NRXN3: variants seen among roughly 807,000 people sequenced by gnomAD.
NRXN3 encodes the protein neurexin 3, also known as neurexin III.
A neutral mutation model predicts 137.6 loss-of-function variants in NRXN3; 32 were observed. That is an observed-to-expected ratio of 0.23 (90% CI 0.18 to 0.31). The LOEUF (loss-of-function observed/expected upper bound fraction) is 0.31, where lower values mean the gene tolerates loss of function less well. NRXN3 is among the 10% of genes least tolerant of loss of function. The pLI, the probability that NRXN3 is intolerant of heterozygous loss-of-function variation, is 1.00. For synonymous variants in NRXN3, 798 were observed against 784.5 expected, an observed-to-expected ratio of 1.02 and a Z score of -0.29; for missense variants, 1,574 against 2,062.5, an observed-to-expected ratio of 0.76 and a Z score of 4.59.
chr14:78,930,924 C>A (rs1286303144), intron 10 of NRXN3, among the ~76,000 whole-genome samples: 1 of 152,046 alleles, frequency 6.6e-6, no homozygotes, highest in Non-Finnish European at 1.5e-5. Context: ...GCTCATTGCA[C>A]AGGAAATGGT....
At chr14:79,613,705 C>G (rs2098127239) in intron 16 of NRXN3, among the ~76,000 whole-genome samples, 1 of 152,332 alleles carries the variant, frequency 6.6e-6, no homozygotes, top group South Asian at 2.1e-4. Context: ...ACTTATTTCA[C>G]CCAGTATGTG....
intron 15 of NRXN3, among the ~76,000 whole-genome samples, chr14:79,242,927 A>T (rs991358106): frequency 6.6e-6 from 1 of 152,192 alleles, no homozygotes; most frequent in Non-Finnish European, 1.5e-5. Context: ...TGCTACTAAC[A>T]TACAGGACCT....
rs191705500 is a variant in NRXN3 at position 78,860,012 on chromosome 14, A to G, written c.2275+49668A>G. ...TAAAACTCAAAAGTTTTGGTAGGAA[A>G]GAACATGTAGGCTTAATTCCTTTCT... On this transcript the variant is annotated intron_variant, in intron 10 of 20. Transcript: ENST00000335750. Among the ~76,000 whole-genome samples the G allele has an allele frequency of 1.5e-3, 228 of 152,294 alleles. 1 individual carries two copies. The highest frequency in any genetic ancestry group is 4.9e-3 in the African/African-American group (204 of 41,566).
intron 10 of NRXN3, among the ~76,000 whole-genome samples, chr14:78,843,320 G>T (rs1343967070): frequency 6.6e-6 from 1 of 152,036 alleles, no homozygotes; most frequent in Non-Finnish European, 1.5e-5. Flanking sequence ...TTGGGTTATT[G>T]TCCCAGGGAA....
chr14:79,219,100 T>G (rs896403853), intron 15 of NRXN3, among the ~76,000 whole-genome samples: 1 of 152,082 alleles, frequency 6.6e-6, no homozygotes, highest in Non-Finnish European at 1.5e-5. Context: ...TAAATGTTAG[T>G]AAAACACATA....
rs1233127110 is a variant in NRXN3 at position 78,243,881 on chromosome 14, A to G, written c.709+79A>G. On this transcript the variant is annotated intron_variant, in intron 2 of 20. Transcript: ENST00000335750. The surrounding 1 kb of genome is among the most constrained non-coding windows in gnomAD (Gnocchi z 4.2). ...GGGGCTCCTGATACAAACCAGTTCT[A>G]TATGGATGCATATCTTTAGCTGCAT... 3.0e-6 allele frequency: 3 copies of G among 998,152 alleles called. No individual in the cohort carries two copies. Among genetic ancestry groups the G allele is most frequent in the East Asian group, 4.8e-5 (2 of 41,566 alleles). 61.8% of individuals were successfully genotyped at this position (998,152 alleles called of 1,614,324 possible). A position where few individuals can be genotyped will look rare whatever the true frequency, so the allele number is the denominator to read the frequency against.
intron 8 of NRXN3, among the ~76,000 whole-genome samples, chr14:78,744,139 T>A (rs2098595871): frequency 6.6e-6 from 1 of 152,052 alleles, no homozygotes; most frequent in African/African-American, 2.4e-5. Context: ...ATCCTGCAGG[T>A]TTTTTGTTTG....
rs575208671 is a variant in NRXN3, at chr14:79,561,366, T to C, written c.3444+93964T>C. Among the ~76,000 whole-genome samples, 12 of 152,278 alleles carry C rather than the reference T, an allele frequency of 7.9e-5. No individual in the cohort carries two copies. In the South Asian group the frequency reaches 2.3e-3, roughly 29 times the overall value. ...CCATATTGTGATGTTGACTATATCA[T>C]GCAGTAATGGTGAACAAATGTAGCA... On this transcript the variant is annotated intron_variant, in intron 16 of 20. Transcript: ENST00000335750.
At chr14:79,175,350 G>A (rs1463714933) in intron 15 of NRXN3, among the ~76,000 whole-genome samples, 1 of 152,202 alleles carries the variant, frequency 6.6e-6, no homozygotes, top group East Asian at 1.9e-4. Context: ...AACAAGATCA[G>A]TGTGGGATAA....
At chr14:78,884,498 C>T (rs2099137685) in intron 10 of NRXN3, among the ~76,000 whole-genome samples, 1 of 152,034 alleles carries the variant, frequency 6.6e-6, no homozygotes, top group Admixed American at 6.6e-5. Flanking sequence ...CTTTCTGATC[C>T]TGATAGGATT....
chr14:79,474,961 G>C (rs2096547002), intron 16 of NRXN3, among the ~76,000 whole-genome samples: 1 of 152,060 alleles, frequency 6.6e-6, no homozygotes, highest in Non-Finnish European at 1.5e-5. Context: ...GATAGGCCTA[G>C]TATCAAAATG....
chr14:79,482,481 C>A lies in NRXN3; in HGVS notation c.3444+15079C>A, dbSNP rs117700194. Among the ~76,000 whole-genome samples, 7 of 152,270 alleles carry A rather than the reference C, an allele frequency of 4.6e-5. No homozygotes were observed. The East Asian group carries it at 1.3e-3, about 29-fold the overall frequency. On this transcript the variant is annotated intron_variant, in intron 16 of 20. Coordinates refer to ENST00000335750, the MANE Select transcript of NRXN3 (RefSeq NM_001330195.2). The stretch of plus-strand genomic sequence containing the variant: ...GGTTCTATTTCTACCACCCTGACAA[C>A]CACTATAGTTTGTTTTCAACACCAA...
At chr14:79,119,849 A>G (rs1019439422) in intron 15 of NRXN3, among the ~76,000 whole-genome samples, 1 of 152,076 alleles carries the variant, frequency 6.6e-6, no homozygotes, top group African/African-American at 2.4e-5. Flanking sequence ...ATACTTTATT[A>G]CTTTGTAAAC....
intron 2 of NRXN3, among the ~76,000 whole-genome samples, chr14:78,261,300 C>T (rs751869575): frequency 6.6e-6 from 1 of 152,210 alleles, no homozygotes; most frequent in South Asian, 2.1e-4. Flanking sequence ...CTGCACATAA[C>T]TGATTTTGCT....
intron 16 of NRXN3, among the ~76,000 whole-genome samples, chr14:79,650,296 G>A (rs1320047362): frequency 6.6e-6 from 1 of 151,938 alleles, no homozygotes; most frequent in African/African-American, 2.4e-5. Context: ...GACTGTCTGT[G>A]GATATTTATT....
intron 4 of NRXN3, among the ~76,000 whole-genome samples, chr14:78,420,502 C>A (rs1190669550): frequency 6.6e-6 from 1 of 152,144 alleles, no homozygotes; most frequent in Non-Finnish European, 1.5e-5. Context: ...CAGTTTCCAG[C>A]TCCAGGCAAA....
At chr14:79,417,677 A>G (rs2095516354) in intron 15 of NRXN3, among the ~76,000 whole-genome samples, 1 of 152,190 alleles carries the variant, frequency 6.6e-6, no homozygotes, top group Admixed American at 6.6e-5. Flanking sequence ...TTTTGCTGAT[A>G]AATACTACAA....
rs368758580 is a variant in NRXN3 at position 78,266,608 on chromosome 14, T to A, written c.710-12037T>A. Among the ~76,000 whole-genome samples, 41 of 152,244 alleles carry A rather than the reference T, an allele frequency of 2.7e-4. No individual in the cohort carries two copies. The Middle Eastern group carries it at 0.017, about 63-fold the overall frequency. ...CACCAAGCCCAGCCTAATCTCTGTG[T>A]TTCTTGGAAGCAGAACGTCTCCTTA... On this transcript the variant is annotated intron_variant, in intron 2 of 20. Transcript: ENST00000335750.
At chr14:78,794,778 C>A (rs1333488638) in intron 8 of NRXN3, among the ~76,000 whole-genome samples, 2 of 151,844 alleles carry the variant, frequency 1.3e-5, no homozygotes, top group East Asian at 3.9e-4. Flanking sequence ...TACTATTTAA[C>A]AAAATTAAAT....
Sources: gnomAD v4.1 joint callset for allele counts (sites outside exome capture counted in the v4.1 genomes callset) on GRCh38, gnomAD v4.1.1 for gene constraint, Gnocchi (gnomAD v3.1) non-coding constraint, MANE v1.5 for transcripts, NCBI Gene and HGNC (gene_info 2026-07-23, HGNC 2026-07-21) for gene names.